The following SQSTM1 variants were observed in gnomAD, a reference collection of about 807,000 sequenced individuals.
SQSTM1 encodes the protein sequestosome 1, also known as sequestosome-1.
SQSTM1 carries 36 observed loss-of-function variants against 45.1 expected under a neutral mutation model. That is an observed-to-expected ratio of 0.80 (90% CI 0.61 to 1.05). The LOEUF (loss-of-function observed/expected upper bound fraction) is 1.05, where lower values mean the gene tolerates loss of function less well. SQSTM1 is among the 50% of genes least tolerant of loss of function. The pLI is 0.00. For synonymous variants in SQSTM1, 290 were observed against 244.3 expected, an observed-to-expected ratio of 1.19 and a Z score of -1.74; for missense variants, 617 against 607.1, an observed-to-expected ratio of 1.02 and a Z score of -0.17.
chr5:179,809,637 CTTTTTT>C (rs1181470503), intron 1 of SQSTM1, among the ~76,000 whole-genome samples: 17 of 77,664 alleles, frequency 2.2e-4, no homozygotes, highest in African/African-American at 4.9e-4. Context: ...GCGCCTGGCC[CTTTTTT>C]TTTTTTTTTT....
chr5:179,821,705 C>A (rs1301264253), intron 1 of SQSTM1: 1 of 360,748 alleles, frequency 2.8e-6, no homozygotes, highest in Non-Finnish European at 5.5e-6. Context: ...CGCTCCGAGC[C>A]AGGTCGAGTA....
chr5:179,829,021 G>T (rs966984943), intron 5 of SQSTM1, among the ~76,000 whole-genome samples: 1 of 152,086 alleles, frequency 6.6e-6, no homozygotes, highest in African/African-American at 2.4e-5. Context: ...AGTGATCGGG[G>T]GACAGGAACA....
At chr5:179,828,039 A>C (rs960301580) in intron 5 of SQSTM1, among the ~76,000 whole-genome samples, 2 of 152,188 alleles carry the variant, frequency 1.3e-5, no homozygotes, top group Non-Finnish European at 2.9e-5. Flanking sequence ...TGGTCGTGGG[A>C]TCTTTGATAA....
upstream of SQSTM1, among the ~76,000 whole-genome samples, chr5:179,817,786 G>C (rs765258404): frequency 6.6e-5 from 10 of 152,058 alleles, no homozygotes; most frequent in Non-Finnish European, 1.2e-4. Context: ...GAGGTGGGCG[G>C]ATCACCTGAA....
At chr5:179,831,508 A>G (rs558860868) in intron 5 of SQSTM1, among the ~76,000 whole-genome samples, 1 of 152,250 alleles carries the variant, frequency 6.6e-6, no homozygotes, top group South Asian at 2.1e-4. Context: ...CTAAAAATAT[A>G]AAAATTAGCT....
In SQSTM1 at chr5:179,833,164, C is replaced by A; in HGVS notation, c.887C>A (p.Pro296Gln). ...PSSCCSDPSKPGGNVEGATQS... is the reference protein window; with the variant it reads ...PSSCCSDPSKQGGNVEGATQS... ...AGCTGCTGCTCTGACCCCAGCAAGC[C>A]GGGTGGGAATGTTGAGGGCGCCACG... The change falls in exon 6 of 8, where the codon CCG (proline) becomes CAG (glutamine). Residue 296 changes from proline to glutamine, a missense_variant. Physicochemically the swap from Pro to Gln is moderately conservative, Grantham distance 76. Transcript: ENST00000389805. The A allele has an allele frequency of 1.2e-6, 2 of 1,614,104 alleles. No homozygotes were observed. The highest frequency in any genetic ancestry group is 1.7e-6 in the Non-Finnish European group (2 of 1,179,994).
Position 179,837,317 on chromosome 5 carries a change from T to A in SQSTM1, c.*724T>A, listed in dbSNP as rs1212600382. On this transcript the variant is annotated 3_prime_UTR_variant, in exon 8 of 8. Coordinates refer to ENST00000389805, the MANE Select transcript of SQSTM1 (RefSeq NM_003900.5). ...TATTGTTAATGGTTCTTACAGAGTA[T>A]CTTTAAAAGTGCCTTAGGGGAACCC... is the stretch of plus-strand genomic sequence containing the variant. The A allele has an allele frequency of 3.1e-6, 5 of 1,593,026 alleles. No homozygotes were observed. Among genetic ancestry groups the A allele is most frequent in the Non-Finnish European group, 4.3e-6 (5 of 1,169,216 alleles).
chr5:179,826,258 G>A (rs1027940114), intron 5 of SQSTM1, among the ~76,000 whole-genome samples: 1 of 151,498 alleles, frequency 6.6e-6, no homozygotes, highest in African/African-American at 2.4e-5. Context: ...TCCCCCTCCT[G>A]GGTTCAAGTG....
rs1758674480 is a variant in SQSTM1, at chr5:179,837,814, GCA to G, written c.*1222_*1223del. 1 of 1,613,526 alleles carries G rather than the reference GCA, an allele frequency of 6.2e-7. No homozygotes were observed. The highest frequency in any genetic ancestry group is 8.5e-7 in the Non-Finnish European group (1 of 1,180,020). On this transcript the variant is annotated 3_prime_UTR_variant, in exon 8 of 8. Transcript: ENST00000389805. Reference sequence around the variant, plus strand: ...CAGGACCCCTCAGCTCCCCGGCACTGCAGTCTGCAGAGTTCTCCTGGAGGCAG... The same window carrying G: ...CAGGACCCCTCAGCTCCCCGGCACTGGTCTGCAGAGTTCTCCTGGAGGCAG...
rs200793330 is a variant in SQSTM1 at position 179,833,564 on chromosome 5, G to C, written c.970-23G>C. ...GGCCTGTTGCGCGTGTCTCCTGTGT[G>C]CTCATGGTGAGTTTTGTTCCAGGAA... On this transcript the variant is annotated intron_variant, in intron 6 of 7. Coordinates refer to ENST00000389805, the MANE Select transcript of SQSTM1 (RefSeq NM_003900.5). 1.9e-6 allele frequency: 3 copies of C among 1,613,886 alleles called. No individual in the cohort carries two copies. The African/African-American group carries it at 4.0e-5, about 22-fold the overall frequency.
intron 1 of SQSTM1, chr5:179,821,593 C>T (rs765163261): frequency 2.2e-6 from 1 of 448,088 alleles, no homozygotes; most frequent in South Asian, 1.6e-5. Context: ...GGGCGAGCGC[C>T]GGCGAGGGGA....
chr5:179,826,544 T>C (rs1040996512), intron 5 of SQSTM1, among the ~76,000 whole-genome samples: 4 of 152,032 alleles, frequency 2.6e-5, no homozygotes, highest in African/African-American at 9.7e-5. Flanking sequence ...GCATGGCTTC[T>C]GTACTAGAGT....
upstream of SQSTM1, among the ~76,000 whole-genome samples, chr5:179,818,550 A>G (rs144135518): frequency 9.4e-3 from 1,430 of 152,208 alleles, 27 homozygotes; most frequent in African/African-American, 0.033. Flanking sequence ...GCAGCAACAG[A>G]CAGAACCAGA....
chr5:179,813,712 G>A (rs58926938), intron 2 of SQSTM1: 14,866 of 152,050 alleles, frequency 0.098, 901 homozygotes, highest in Admixed American at 0.18. Context: ...AGCTCTAATT[G>A]CCACTGCACT....
At chr5:179,817,815 T>C (rs1757629270), upstream of SQSTM1, among the ~76,000 whole-genome samples, 1 of 151,826 alleles carries the variant, frequency 6.6e-6, no homozygotes. Context: ...TTCAAGACCA[T>C]CCTGGCCAAC....
rs545570237 is a variant in SQSTM1 at position 179,828,855 on chromosome 5, A to C, written c.754+3629A>C. On this transcript the variant is annotated intron_variant, in intron 5 of 7. Transcript: ENST00000389805. ...ACACCATAGACAAAGAAAGTAATAG[A>C]GGAAAAGACAAAGATGTGATCAGAT... 5.9e-5 allele frequency among the ~76,000 whole-genome samples: 9 copies of C among 152,382 alleles called. No homozygotes were observed. In the South Asian group the frequency reaches 1.9e-3, roughly 32 times the overall value.
Position 179,824,030 on chromosome 5 carries a change from C to T in SQSTM1, c.474C>T (p.Gly158=), listed in dbSNP as rs35266480. ...TGTGTAGCGTCTGCGAGGGAAAGGG[C>T]TTGCACCGGGGGCACACCAAGCTCG... ...YDLCSVCEGK[G]LHRGHTKLAF... Residue 158 remains glycine, a synonymous_variant, in exon 3 of 8, where the codon GGC becomes GGT. Transcript: ENST00000389805. The T allele has an allele frequency of 1.2e-6, 2 of 1,614,004 alleles. No individual in the cohort carries two copies. Among genetic ancestry groups the T allele is most frequent in the Admixed American group, 1.7e-5 (1 of 60,028 alleles).
chr5:179,812,892 G>A (rs1757472033), intron 2 of SQSTM1: 1 of 151,754 alleles, frequency 6.6e-6, no homozygotes, highest in Non-Finnish European at 1.5e-5. Context: ...GCCATAGCTA[G>A]TCTAGGAAAA....
intron 1 of SQSTM1, among the ~76,000 whole-genome samples, chr5:179,809,325 ATTTTTTT>A (rs71001049): frequency 4.1e-4 from 17 of 41,074 alleles, no homozygotes; most frequent in South Asian, 4.1e-3. Context: ...CGCCTGGCTA[ATTTTTTT>A]TTTTTTTTTT....
Sources: allele counts gnomAD v4.1 joint callset (sites outside exome capture counted in the v4.1 genomes callset), GRCh38; gene constraint gnomAD v4.1.1; transcripts MANE v1.5; gene names NCBI Gene and HGNC (gene_info 2026-07-23, HGNC 2026-07-21).